NOL4: variants seen among roughly 807,000 people sequenced by gnomAD.
The protein encoded by NOL4 is cancer/testis antigen 125.
NOL4 carries 17 observed loss-of-function variants against 75.9 expected under a neutral mutation model. That is an observed-to-expected ratio of 0.22 (90% CI 0.15 to 0.34). The LOEUF (loss-of-function observed/expected upper bound fraction) is 0.34. Among genes scored for constraint, NOL4 ranks in the 10% least tolerant of loss-of-function variants. The pLI is 1.00. For synonymous variants in NOL4, 292 were observed against 289.9 expected (o/e 1.01, Z -0.07); for missense variants, 614 against 793.5 (o/e 0.77, Z 2.72).
At chr18:33,942,157 G>A (rs1240545477) in intron 9 of NOL4, among the ~76,000 whole-genome samples, 2 of 151,858 alleles carry the variant, frequency 1.3e-5, no homozygotes, top group East Asian at 3.9e-4. Context: ...GAAGTCCATT[G>A]GCTCACTGTA....
intron 6 of NOL4, among the ~76,000 whole-genome samples, chr18:34,010,919 C>G (rs777915625): frequency 5.9e-5 from 9 of 151,628 alleles, no homozygotes; most frequent in Non-Finnish European, 1.0e-4. Context: ...TTTTTTCTAT[C>G]AAATTCTTTG....
intron 1 of NOL4, among the ~76,000 whole-genome samples, chr18:34,143,240 A>G (rs2081260924): frequency 6.6e-6 from 1 of 152,196 alleles, no homozygotes; most frequent in Admixed American, 6.6e-5. Context: ...GCTGGTAACT[A>G]TTTAAGACTG....
At chr18:34,160,764 A>C (rs936400953) in intron 1 of NOL4, among the ~76,000 whole-genome samples, 2 of 152,206 alleles carry the variant, frequency 1.3e-5, no homozygotes, top group East Asian at 1.9e-4. Context: ...TGTAATGATC[A>C]AATTGGGGTA....
At chr18:34,161,940 G>A (rs2146182231) in intron 1 of NOL4, among the ~76,000 whole-genome samples, 1 of 152,186 alleles carries the variant, frequency 6.6e-6, no homozygotes, top group East Asian at 1.9e-4. Flanking sequence ...TAGGAGATTA[G>A]TAAAGGTAAT....
At chr18:33,864,081 C>T (rs2063315321) in intron 10 of NOL4, among the ~76,000 whole-genome samples, 1 of 152,158 alleles carries the variant, frequency 6.6e-6, no homozygotes, top group Non-Finnish European at 1.5e-5. Flanking sequence ...GGCACCAAGT[C>T]CCAAGGCTGC....
chr18:33,960,709 A>G (rs2070043794), intron 6 of NOL4, among the ~76,000 whole-genome samples: 1 of 152,182 alleles, frequency 6.6e-6, no homozygotes, highest in South Asian at 2.1e-4. Context: ...TCCCAATGTC[A>G]CATAGCTAGC....
intron 1 of NOL4, among the ~76,000 whole-genome samples, chr18:34,173,911 C>G (rs995811600): frequency 6.6e-6 from 1 of 152,150 alleles, no homozygotes; most frequent in African/African-American, 2.4e-5. Context: ...GATATAATAT[C>G]TATTTTAACT....
intron 5 of NOL4, among the ~76,000 whole-genome samples, chr18:34,067,799 T>G (rs1600468605): frequency 6.6e-6 from 1 of 152,066 alleles, no homozygotes; most frequent in Non-Finnish European, 1.5e-5. Context: ...CAGTTTGGGA[T>G]GTGTTTATTT....
intron 5 of NOL4, among the ~76,000 whole-genome samples, chr18:34,091,004 C>A (rs1436710738): frequency 6.6e-6 from 1 of 151,844 alleles, no homozygotes; most frequent in Non-Finnish European, 1.5e-5. Context: ...AGAGGTATGG[C>A]CTTTAGGATG....
At chr18:33,943,574 T>C (rs773614075) in intron 8 of NOL4, among the ~76,000 whole-genome samples, 20 of 151,862 alleles carry the variant, frequency 1.3e-4, no homozygotes, top group Non-Finnish European at 2.5e-4. Flanking sequence ...AGGGCTAAAA[T>C]AGAGTTTAAA....
intron 5 of NOL4, among the ~76,000 whole-genome samples, chr18:34,064,265 A>C (rs573761081): frequency 1.3e-5 from 2 of 152,140 alleles, no homozygotes; most frequent in South Asian, 4.1e-4. Context: ...GCTGAAATTT[A>C]ATGAAGCAGG....
chr18:34,207,157 T>C (rs915257957), intron 1 of NOL4, among the ~76,000 whole-genome samples: 1 of 152,226 alleles, frequency 6.6e-6, no homozygotes, highest in Non-Finnish European at 1.5e-5. Flanking sequence ...TGCCTTTAAA[T>C]CCTTTATAAT....
At chr18:33,861,896 C>A (rs1302071402) in intron 10 of NOL4, among the ~76,000 whole-genome samples, 1 of 152,100 alleles carries the variant, frequency 6.6e-6, no homozygotes, top group African/African-American at 2.4e-5. Context: ...CAATGACTTT[C>A]TTCACAGAAT....
intron 5 of NOL4, among the ~76,000 whole-genome samples, chr18:34,024,215 A>ATATATATATATATAT (rs1491509605): frequency 2.0e-4 from 25 of 127,470 alleles, no homozygotes; most frequent in Non-Finnish European, 3.1e-4. Context: ...ATATATATAT[A>ATATATATATATATAT]AAATCCTCAT....
At chr18:34,218,679 A>T (rs1345980508) in intron 1 of NOL4, among the ~76,000 whole-genome samples, 1 of 151,748 alleles carries the variant, frequency 6.6e-6, no homozygotes, top group Non-Finnish European at 1.5e-5. Flanking sequence ...CCTATGCTAC[A>T]GGATCTCCCA....
chr18:33,920,204 G>C (rs559246435), intron 9 of NOL4, among the ~76,000 whole-genome samples: 108 of 152,034 alleles, frequency 7.1e-4, no homozygotes, highest in African/African-American at 2.5e-3. Context: ...AGAGAGAGAC[G>C]AGACAGAAGG....
At chr18:33,905,909 C>T (rs981644129) in intron 9 of NOL4, among the ~76,000 whole-genome samples, 6 of 152,206 alleles carry the variant, frequency 3.9e-5, no homozygotes, top group Non-Finnish European at 7.3e-5. Flanking sequence ...TGGGAGACAA[C>T]ATCCCATTGT....
At chr18:34,221,350 A>G (rs1358040038) in intron 1 of NOL4, 1 of 152,242 alleles carries the variant, frequency 6.6e-6, no homozygotes, top group African/African-American at 2.4e-5. Context: ...AATTCTAACA[A>G]TAAATTATTT....
At chr18:34,029,503 T>C (rs2075525490) in intron 5 of NOL4, among the ~76,000 whole-genome samples, 1 of 152,224 alleles carries the variant, frequency 6.6e-6, no homozygotes, top group African/African-American at 2.4e-5. Context: ...TGGCTCCTGA[T>C]TGAATGGCTT....
Sources: allele counts gnomAD v4.1 joint callset (sites outside exome capture counted in the v4.1 genomes callset), GRCh38; gene constraint gnomAD v4.1.1; transcripts MANE v1.5; gene names NCBI Gene and HGNC (gene_info 2026-07-23, HGNC 2026-07-21).